The following CDK13 variants were observed in gnomAD, a reference collection of about 807,000 sequenced individuals.
CDK13 encodes cyclin-dependent kinase 13.
Under a neutral mutation model 137.6 loss-of-function variants are expected in CDK13, and 40 were observed. The observed-to-expected ratio is 0.29, with a 90% CI of 0.23 to 0.38. CDK13 has a LOEUF of 0.38. Ranked by LOEUF, CDK13 falls within the 10% of genes least tolerant of loss-of-function variation. The pLI is 1.00. For synonymous variants in CDK13, 869 were observed against 760.1 expected, an observed-to-expected ratio of 1.14 and a Z score of -2.36; for missense variants, 1,704 against 1,951.8, an observed-to-expected ratio of 0.87 and a Z score of 2.39.
At chr7:39,957,899 T>C (rs949161833) in intron 1 of CDK13, among the ~76,000 whole-genome samples, 1 of 152,196 alleles carries the variant, frequency 6.6e-6, no homozygotes, top group Admixed American at 6.5e-5. Flanking sequence ...TTTTCCTTTA[T>C]TTTGGACTTT....
At chr7:39,985,910 G>GA (rs1360372411) in intron 1 of CDK13, 5 of 152,220 alleles carry the variant, frequency 3.3e-5, no homozygotes, top group African/African-American at 1.2e-4. Flanking sequence ...GCGGTGGAGG[G>GA]ATGCAGCTTC....
intron 1 of CDK13, among the ~76,000 whole-genome samples, chr7:39,954,819 A>G (rs938892128): frequency 1.3e-5 from 2 of 152,202 alleles, no homozygotes; most frequent in African/African-American, 2.4e-5. Context: ...GGGTTTCACC[A>G]TGTTGCCCAG....
At position 40,093,071 on chromosome 7, in the gene CDK13, T is replaced by G. The variant is rs1176824278; in HGVS notation, c.3522T>G (p.Ala1174=). 1 of 1,614,230 alleles carries G rather than the reference T, an allele frequency of 6.2e-7. No individual in the cohort carries two copies. The highest frequency in any genetic ancestry group is 1.1e-5 in the South Asian group (1 of 91,088). Residue 1174 remains alanine, a synonymous_variant, in exon 13 of 14, where the codon GCT becomes GCG. Coordinates refer to ENST00000181839, the MANE Select transcript of CDK13 (RefSeq NM_003718.5). ...TCCAGCCTAAAGTGGAGACTGATGC[T>G]GCCCAGGCGGCTGTGCAGAGTGCAT... The part of the protein sequence containing the change: ...QTIQPKVETD[A]AQAAVQSAFA...
chr7:39,969,381 G>A (rs546409943), intron 1 of CDK13, among the ~76,000 whole-genome samples: 1 of 152,300 alleles, frequency 6.6e-6, no homozygotes, highest in South Asian at 2.1e-4. Context: ...AATACCTTTA[G>A]AACTGAGATC....
At chr7:40,047,757 A>G (rs1785782039) in intron 6 of CDK13, 64 bp from the exon 7 acceptor site, 3 of 1,097,012 alleles carry the variant, frequency 2.7e-6, no homozygotes, top group Middle Eastern at 2.0e-4. Flanking sequence ...CATAGAATAT[A>G]AATGTGTATT....
chr7:40,026,299 A>G (rs866051612), intron 5 of CDK13, among the ~76,000 whole-genome samples: 156 of 152,276 alleles, frequency 1.0e-3, no homozygotes, highest in African/African-American at 3.5e-3. Context: ...TCTTGAGCTC[A>G]GGAGTTTGAG....
chr7:39,983,460 T>G (rs950685695), intron 1 of CDK13, among the ~76,000 whole-genome samples: 2 of 152,232 alleles, frequency 1.3e-5, no homozygotes, highest in Non-Finnish European at 2.9e-5. Flanking sequence ...TTCTGAGTCT[T>G]TATCTCTGTT....
At chr7:39,978,322 A>G (rs1265864897) in intron 1 of CDK13, among the ~76,000 whole-genome samples, 2 of 152,228 alleles carry the variant, frequency 1.3e-5, no homozygotes, top group African/African-American at 2.4e-5. Flanking sequence ...GTTGTAGCCA[A>G]CATTATCACA....
In CDK13 at chr7:39,987,746, G is replaced by A; in HGVS notation, c.1359G>A (p.Leu453=). 6.2e-7 allele frequency: 1 copy of A among 1,614,032 alleles called. No individual in the cohort carries two copies. The highest frequency in any genetic ancestry group is 8.5e-7 in the Non-Finnish European group (1 of 1,180,012). ...LTLKSSLAAE[L]NKNKKARAAE... is the part of the protein sequence containing the mutation. ...TGAAGAGTAGCCTGGCAGCTGAATTGAACAAGAATAAAAAAGCACGAGCAG... is the reference window on the plus strand; with the variant it reads ...TGAAGAGTAGCCTGGCAGCTGAATTAAACAAGAATAAAAAAGCACGAGCAG... Residue 453 remains leucine (L), a synonymous_variant, in exon 2 of 14, where the codon TTG becomes TTA. Transcript: ENST00000181839.
chr7:39,985,510 A>G (rs749438568), intron 1 of CDK13: 3 of 152,060 alleles, frequency 2.0e-5, no homozygotes, highest in African/African-American at 4.8e-5. Flanking sequence ...TTGCCGAATT[A>G]TAAGATAGCT....
At chr7:40,032,310 A>G (rs1019556222) in intron 5 of CDK13, among the ~76,000 whole-genome samples, 3 of 152,186 alleles carry the variant, frequency 2.0e-5, no homozygotes, top group African/African-American at 7.2e-5. Flanking sequence ...GGTTCAAGCA[A>G]TCCGTATGCC....
intron 4 of CDK13, among the ~76,000 whole-genome samples, chr7:40,001,459 CCCT>C (rs1385860413): frequency 2.0e-5 from 3 of 152,106 alleles, no homozygotes; most frequent in African/African-American, 7.2e-5. Flanking sequence ...TCGTGATCTG[CCCT>C]CCTCAGCCTC....
At chr7:40,004,025 A>G (rs916940310) in intron 5 of CDK13, among the ~76,000 whole-genome samples, 4 of 152,118 alleles carry the variant, frequency 2.6e-5, no homozygotes, top group Non-Finnish European at 5.9e-5. Flanking sequence ...TGGGAACCAT[A>G]CCTGTTTTCT....
chr7:39,977,519 G>GT (rs1784135980), intron 1 of CDK13, among the ~76,000 whole-genome samples: 1 of 152,190 alleles, frequency 6.6e-6, no homozygotes, highest in Non-Finnish European at 1.5e-5. Flanking sequence ...GCTGACTGGC[G>GT]TAATAAGAGA....
At chr7:39,957,438 G>A (rs964272187) in intron 1 of CDK13, among the ~76,000 whole-genome samples, 6 of 152,146 alleles carry the variant, frequency 3.9e-5, no homozygotes, top group Admixed American at 1.3e-4. Context: ...AAATTACAGA[G>A]CTTATTTATT....
In CDK13 at chr7:40,088,121, T is replaced by C; in HGVS notation, c.3030-5T>C. 6.2e-7 allele frequency: 1 copy of C among 1,608,388 alleles called. No homozygotes were observed. Among genetic ancestry groups the C allele is most frequent in the Non-Finnish European group, 8.5e-7 (1 of 1,177,916 alleles). On this transcript the variant is annotated splice_polypyrimidine_tract_variant and splice_region_variant and intron_variant, in intron 11 of 13. Transcript: ENST00000181839. Reference sequence around the variant, plus strand: ...TTTACAATTTAATTCCTTTTTTTTTTTCAGTCTCCCTTTATGGCAAGATTG... The same window carrying C: ...TTTACAATTTAATTCCTTTTTTTTTCTCAGTCTCCCTTTATGGCAAGATTG...
intron 2 of CDK13, among the ~76,000 whole-genome samples, chr7:39,989,204 A>G (rs1784407967): frequency 6.6e-6 from 1 of 151,862 alleles, no homozygotes; most frequent in Non-Finnish European, 1.5e-5. Context: ...TTATTGAGAA[A>G]CATATTCTTA....
At chr7:40,002,520 A>G (rs951789900) in intron 5 of CDK13, among the ~76,000 whole-genome samples, 16 of 152,172 alleles carry the variant, frequency 1.1e-4, no homozygotes, top group Non-Finnish European at 7.4e-5. Flanking sequence ...AAGCTGACAA[A>G]AAATTAGCCT....
At position 39,951,295 on chromosome 7, in the gene CDK13, G is replaced by A. The variant is rs927163309; in HGVS notation, c.654G>A (p.Arg218=). 5.9e-6 allele frequency: 8 copies of A among 1,366,040 alleles called. No individual in the cohort carries two copies. The highest frequency in any genetic ancestry group is 2.6e-4 in the Middle Eastern group (1 of 3,814). The allele number at this position is 1,366,040 out of a possible 1,614,324, so 84.6% of individuals were successfully genotyped here. A position where few individuals can be genotyped will look rare whatever the true frequency, so the allele number is the denominator to read the frequency against. ...RSKERHREHR[R]RDGQRGGSEA... ...AGGAGCGCCACCGCGAGCACCGGCGGCGGGATGGGCAGCGCGGTGGCAGCG... is the reference window on the plus strand; with the variant it reads ...AGGAGCGCCACCGCGAGCACCGGCGACGGGATGGGCAGCGCGGTGGCAGCG... The change falls in exon 1 of 14, where the codon CGG becomes CGA. Residue 218 remains arginine (R), a synonymous_variant. Transcript: ENST00000181839.
Sources: allele counts gnomAD v4.1 joint callset (sites outside exome capture counted in the v4.1 genomes callset), GRCh38; gene constraint gnomAD v4.1.1; transcripts MANE v1.5; gene names NCBI Gene and HGNC (gene_info 2026-07-23, HGNC 2026-07-21).